Variants in SH2D1A observed in about 807,000 individuals in gnomAD.
The protein encoded by SH2D1A is SH2 domain containing 1A, also known as SH2 domain-containing protein 1A.
SH2D1A carries 6 observed loss-of-function variants against 10.1 expected under a neutral mutation model. That is an observed-to-expected ratio of 0.60 (90% confidence interval 0.33 to 1.18). The LOEUF (loss-of-function observed/expected upper bound fraction) is 1.18. Among genes scored for constraint, SH2D1A ranks in the 50% most tolerant of loss-of-function variants. The pLI is 0.04. For synonymous variants in SH2D1A, 42 were observed against 36.9 expected (o/e 1.14, Z -0.51); for missense variants, 51 against 97.6 (o/e 0.52, Z 2.01).
intron 1 of SH2D1A, among the ~76,000 whole-genome samples, chrX:124,362,775 G>T (rs1340332063): frequency 9.0e-6 from 1 of 111,177 alleles, no homozygotes; most frequent in Non-Finnish European, 1.9e-5. Context: ...CCCATAATAT[G>T]TTTAAGCTCT....
In SH2D1A at chrX:124,371,660, TTA is replaced by T; in HGVS notation, c.*272_*273del. 4.5e-6 allele frequency: 1 copy of T among 223,162 alleles called. No homozygotes were observed. 18.4% of individuals were successfully genotyped at this position (223,162 alleles called of 1,213,427 possible). A position where few individuals can be genotyped will look rare whatever the true frequency, so the allele number is the denominator to read the frequency against. On this transcript the variant is annotated 3_prime_UTR_variant, in exon 4 of 4. Coordinates refer to ENST00000371139, the MANE Select transcript of SH2D1A (RefSeq NM_002351.5). ...GGGAAACAAAAGGATAATGAATACT[TTA>T]TAAAGGATTAATGTCAATTCTTGCC...
At chrX:124,368,768 G>A (rs992557115) in intron 2 of SH2D1A, among the ~76,000 whole-genome samples, 3 of 112,721 alleles carry the variant, frequency 2.7e-5, no homozygotes, top group African/African-American at 9.7e-5. Context: ...AGATAGGAAT[G>A]TGCTTTGAAA....
At chrX:124,355,702 C>A (rs965237278) in intron 1 of SH2D1A, among the ~76,000 whole-genome samples, 2 of 111,126 alleles carry the variant, frequency 1.8e-5, no homozygotes, top group Admixed American at 9.6e-5. Context: ...AATTGTAATT[C>A]TGCTTGTTTT....
chrX:124,359,094 G>C (rs2060033332), intron 1 of SH2D1A, among the ~76,000 whole-genome samples: 1 of 111,505 alleles, frequency 9.0e-6, no homozygotes, highest in Non-Finnish European at 1.9e-5. Context: ...GTTGTGGGGA[G>C]AAGGAAATTG....
intron 1 of SH2D1A, among the ~76,000 whole-genome samples, chrX:124,353,875 A>G (rs1048413547): frequency 8.9e-6 from 1 of 111,932 alleles, no homozygotes; most frequent in Non-Finnish European, 1.9e-5. Context: ...TAAAGGGACA[A>G]CTGGGAATAA....
chrX:124,350,295 A>AT (rs2060006752), intron 1 of SH2D1A, among the ~76,000 whole-genome samples: 2 of 33,504 alleles, frequency 6.0e-5, no homozygotes, highest in Non-Finnish European at 9.1e-5. Flanking sequence ...TATAATATAT[A>AT]ATATATAAAT....
At chrX:124,351,154 T>A in intron 1 of SH2D1A, among the ~76,000 whole-genome samples, 1 of 100,542 alleles carries the variant, frequency 9.9e-6, no homozygotes, top group Non-Finnish European at 2.0e-5. Context: ...TCTTGTATTC[T>A]TACAATTGTA....
intron 2 of SH2D1A, among the ~76,000 whole-genome samples, chrX:124,368,384 G>A (rs1404088101): frequency 9.0e-6 from 1 of 111,483 alleles, no homozygotes; most frequent in Non-Finnish European, 1.9e-5. Flanking sequence ...CAGGTGGTCC[G>A]CCGGTCTCAG....
At chrX:124,348,380 A>C (rs1020553306) in intron 1 of SH2D1A, among the ~76,000 whole-genome samples, 2 of 111,115 alleles carry the variant, frequency 1.8e-5, no homozygotes, top group Non-Finnish European at 3.8e-5. Flanking sequence ...AATGTACAAA[A>C]CAAGTCTGGG....
intron 2 of SH2D1A, among the ~76,000 whole-genome samples, chrX:124,369,935 G>A (rs1157175784): frequency 9.0e-6 from 1 of 111,572 alleles, no homozygotes; most frequent in Non-Finnish European, 1.9e-5. Flanking sequence ...GCAAGAGCTT[G>A]TACAAACTAA....
At chrX:124,356,218 A>G (rs900847478) in intron 1 of SH2D1A, among the ~76,000 whole-genome samples, 6 of 109,871 alleles carry the variant, frequency 5.5e-5, no homozygotes, top group African/African-American at 2.0e-4. Context: ...CCATGTCCCT[A>G]CAAAGGACAT....
intron 1 of SH2D1A, among the ~76,000 whole-genome samples, chrX:124,361,726 G>T (rs2060040586): frequency 8.9e-6 from 1 of 112,012 alleles, no homozygotes; most frequent in African/African-American, 3.2e-5. Context: ...GTGGAAGGTG[G>T]AATTTGTTGA....
At chrX:124,358,339 AAG>A (rs1671064462) in intron 1 of SH2D1A, among the ~76,000 whole-genome samples, 1 of 111,958 alleles carries the variant, frequency 8.9e-6, no homozygotes, top group Admixed American at 9.5e-5. Context: ...GTATGAAGAT[AAG>A]CAAGGTTATG....
At chrX:124,364,404 T>C (rs2060048605) in intron 1 of SH2D1A, 1 of 283,295 alleles carries the variant, frequency 3.5e-6, no homozygotes, top group South Asian at 3.6e-5. Flanking sequence ...ACAATGTGTT[T>C]GTGTTTTAAG....
chrX:124,352,718 G>A (rs769584482), intron 1 of SH2D1A, among the ~76,000 whole-genome samples: 1 of 111,787 alleles, frequency 8.9e-6, no homozygotes, highest in South Asian at 3.7e-4. Flanking sequence ...AAATAGTACT[G>A]TGATAAATGT....
At chrX:124,361,389 A>G (rs1466652902) in intron 1 of SH2D1A, among the ~76,000 whole-genome samples, 4 of 112,114 alleles carry the variant, frequency 3.6e-5, no homozygotes, top group Non-Finnish European at 7.5e-5. Flanking sequence ...TGTTTAAGCC[A>G]CCCTGTCTAT....
At position 124,350,246 on chromosome X, in the gene SH2D1A, TA is replaced by T. The variant is rs1569527198; in HGVS notation, c.137+3469del. On this transcript the variant is annotated intron_variant, in intron 1 of 3. Transcript: ENST00000371139. ...TAAATATATATTATATAATATTATA[TA>T]ATATATAATATATAAATATATATTA... 3.9e-4 allele frequency among the ~76,000 whole-genome samples: 4 copies of T among 10,138 alleles called. 1 individual carries two copies. The African/African-American group carries it at 9.8e-3, about 25-fold the overall frequency. 8.8% of individuals were successfully genotyped at this position (10,138 alleles called of 115,157 possible).
At chrX:124,352,417 A>C (rs749594584) in intron 1 of SH2D1A, among the ~76,000 whole-genome samples, 13 of 111,494 alleles carry the variant, frequency 1.2e-4, no homozygotes, top group Non-Finnish European at 2.5e-4. Context: ...ATTATTTGCT[A>C]TTCTTATCTG....
At chrX:124,366,393 C>T (rs924639269) in intron 2 of SH2D1A, among the ~76,000 whole-genome samples, 3 of 110,230 alleles carry the variant, frequency 2.7e-5, no homozygotes, top group African/African-American at 9.9e-5. Flanking sequence ...GTAAACGGAG[C>T]CTAAGAATCC....
Sources: allele counts gnomAD v4.1 joint callset (sites outside exome capture counted in the v4.1 genomes callset), GRCh38; gene constraint gnomAD v4.1.1; transcripts MANE v1.5; gene names NCBI Gene and HGNC (gene_info 2026-07-23, HGNC 2026-07-21).